ZNF469: variants seen among roughly 807,000 people sequenced by gnomAD.
The protein encoded by ZNF469 is zinc finger protein 469.
In ZNF469, 1 loss-of-function variant was observed where a neutral mutation model predicts 1.0. The observed-to-expected ratio is 1.00, with a 90% CI of 0.35 to 4.73. ZNF469 has a LOEUF of 4.73. ZNF469 is among the 30% of genes most tolerant of loss of function. The pLI, the probability that ZNF469 is intolerant of heterozygous loss-of-function variation, is 0.16. For missense variants in ZNF469, 6,100 were observed against 5,356.3 expected (o/e 1.14, Z -4.33); for synonymous variants, 2,703 against 2,363.4 (o/e 1.14, Z -4.17).
Position 88,435,093 on chromosome 16 carries a change from C to G in ZNF469, c.7623C>G (p.His2541Gln). The change falls in exon 3 of 3, where the codon CAC (histidine) becomes CAG (glutamine). Residue 2541 changes from histidine (H) to glutamine (Q), a missense_variant. By Grantham distance (24) the His-to-Gln change is conservative (BLOSUM62 0). Coordinates refer to ENST00000565624, the MANE Select transcript of ZNF469 (RefSeq NM_001367624.2). ...HRVSGKERPNHSRGDPSHVTQ... is the reference protein window; with the variant it reads ...HRVSGKERPNQSRGDPSHVTQ... ...TGTCTGGGAAGGAGAGACCAAATCA[C>G]TCACGGGGAGACCCCAGCCACGTCA... 1 of 1,550,402 alleles carries G rather than the reference C, an allele frequency of 6.4e-7. No homozygotes were observed. The highest frequency in any genetic ancestry group is 8.7e-7 in the Non-Finnish European group (1 of 1,146,990).
At position 88,430,008 on chromosome 16, in the gene ZNF469, G is replaced by A; in HGVS notation, c.2538G>A (p.Glu846=). Residue 846 remains glutamate (E), a synonymous_variant, in exon 3 of 3, where the codon GAG becomes GAA. Transcript: ENST00000565624. ...CCAAGCTGGACAGCCTCATCACAGA[G>A]GCGCTCAACGGCATGGAGTACCAGT... ...DDAKLDSLIT[E]ALNGMEYQSD... 1.9e-6 allele frequency: 3 copies of A among 1,550,376 alleles called. No homozygotes were observed. Among genetic ancestry groups the A allele is most frequent in the Non-Finnish European group, 1.7e-6 (2 of 1,146,974 alleles).
the ZNF469 span, among the ~76,000 whole-genome samples, chr16:88,355,597 C>T: frequency 3.3e-5 from 5 of 152,328 alleles, no homozygotes; most frequent in Middle Eastern, 3.4e-3. Flanking sequence ...GTGGTCAGAT[C>T]GGCCTGGCTG....
chr16:88,126,424 C>A, the ZNF469 span, among the ~76,000 whole-genome samples: 1 of 151,178 alleles, frequency 6.6e-6, no homozygotes, highest in African/African-American at 2.4e-5. Flanking sequence ...TAGCTCTAGA[C>A]TTTACAGAGA....
At chr16:88,116,736 A>G in the ZNF469 span, among the ~76,000 whole-genome samples, 3 of 152,186 alleles carry the variant, frequency 2.0e-5, no homozygotes, top group East Asian at 1.9e-4. Context: ...AAGCCTGTAC[A>G]TGCCATGACG....
chr16:88,256,938 CTT>C, the ZNF469 span, among the ~76,000 whole-genome samples: 1 of 14,584 alleles, frequency 6.9e-5, no homozygotes, highest in Non-Finnish European at 1.4e-4. Flanking sequence ...TTCTTTCTTT[CTT>C]TCTTTCTTTC....
the ZNF469 span, among the ~76,000 whole-genome samples, chr16:88,339,930 T>C: frequency 7.1e-6 from 1 of 141,000 alleles, no homozygotes; most frequent in African/African-American, 2.9e-5. Flanking sequence ...TGGCACAGTG[T>C]TGGGGACGGG....
chr16:88,213,234 G>T, the ZNF469 span, among the ~76,000 whole-genome samples: 1 of 152,036 alleles, frequency 6.6e-6, no homozygotes, highest in Non-Finnish European at 1.5e-5. Flanking sequence ...GAGTAGCTGG[G>T]ACTACAGGCG....
At chr16:88,213,391 G>A in the ZNF469 span, among the ~76,000 whole-genome samples, 3 of 152,136 alleles carry the variant, frequency 2.0e-5, no homozygotes, top group South Asian at 2.1e-4. Flanking sequence ...GAGCCACCGC[G>A]CCCGGCCTCT....
chr16:88,434,079 C>G lies in ZNF469; in HGVS notation c.6609C>G (p.Pro2203=). The G allele has an allele frequency of 1.9e-6, 3 of 1,550,406 alleles. No individual in the cohort carries two copies. The highest frequency in any genetic ancestry group is 2.6e-6 in the Non-Finnish European group (3 of 1,146,948). The stretch of plus-strand genomic sequence containing the variant: ...CTCCCCCGTCTTTGACAACAAGCCC[C>G]TGCGATCCCAAGGAAGCCCTGGCTG... ...PVAPPSLTTS[P]CDPKEALAGC... is the part of the protein sequence containing the mutation. The change falls in exon 3 of 3, where the codon CCC becomes CCG. Residue 2203 remains proline (P), a synonymous_variant. Coordinates refer to ENST00000565624, the MANE Select transcript of ZNF469 (RefSeq NM_001367624.2).
At chr16:88,381,086 G>C (rs1280494829), upstream of ZNF469, among the ~76,000 whole-genome samples, 1 of 66,712 alleles carries the variant, frequency 1.5e-5, no homozygotes, top group Non-Finnish European at 2.9e-5. Flanking sequence ...ACTCACACAC[G>C]CACTCACACA....
At chr16:88,291,063 C>T in the ZNF469 span, among the ~76,000 whole-genome samples, 5 of 152,254 alleles carry the variant, frequency 3.3e-5, no homozygotes, top group East Asian at 1.9e-4. Context: ...GGTGTGTGTC[C>T]GTCCGGCACC....
chr16:88,390,115 C>T (rs1158148313), intron 1 of ZNF469, among the ~76,000 whole-genome samples: 1 of 152,230 alleles, frequency 6.6e-6, no homozygotes, highest in Admixed American at 6.5e-5. Flanking sequence ...CCACTAGACA[C>T]TGGCTCCGAA....
At chr16:88,394,885 C>T (rs1191244933) in intron 1 of ZNF469, among the ~76,000 whole-genome samples, 1 of 152,174 alleles carries the variant, frequency 6.6e-6, no homozygotes, top group Non-Finnish European at 1.5e-5. Context: ...TGGGCAGGCA[C>T]CCAATCCTCT....
At chr16:88,381,406 A>T (rs1276678213), upstream of ZNF469, among the ~76,000 whole-genome samples, 1 of 151,340 alleles carries the variant, frequency 6.6e-6, no homozygotes, top group Non-Finnish European at 1.5e-5. Context: ...ACGCACTCAC[A>T]CACAGACATG....
At chr16:88,131,978 C>T in the ZNF469 span, among the ~76,000 whole-genome samples, 10 of 152,254 alleles carry the variant, frequency 6.6e-5, no homozygotes, top group Non-Finnish European at 2.9e-5. Flanking sequence ...TCCGGGGCTG[C>T]TGAAGACAGG....
At chr16:88,260,109 C>A in the ZNF469 span, among the ~76,000 whole-genome samples, 2 of 150,820 alleles carry the variant, frequency 1.3e-5, no homozygotes, top group Admixed American at 6.6e-5. This position sits in a 1 kb window ranked among gnomAD's most constrained non-coding sequence, Gnocchi z 4.1. Flanking sequence ...TCCTGAGTGG[C>A]TGGGATTACA....
chr16:88,434,735 C>A lies in ZNF469; in HGVS notation c.7265C>A (p.Ser2422Tyr), dbSNP rs201540905. Residue 2422 changes from serine (S) to tyrosine (Y), a missense_variant, in exon 3 of 3, where the codon TCC (serine) becomes TAC (tyrosine). Physicochemically the swap from Ser to Tyr is moderately radical, Grantham distance 144. Coordinates refer to ENST00000565624, the MANE Select transcript of ZNF469 (RefSeq NM_001367624.2). ...SSTASDFQSD[S>Y]PQSHRNASHQ... Reference sequence around the variant, plus strand: ...ACAGCCAGTGACTTCCAGTCTGACTCCCCCCAAAGCCACAGAAATGCCTCC... The same window carrying A: ...ACAGCCAGTGACTTCCAGTCTGACTACCCCCAAAGCCACAGAAATGCCTCC... 834 of 1,550,380 alleles carry A rather than the reference C, an allele frequency of 5.4e-4. 1 individual carries two copies. Among genetic ancestry groups the A allele is most frequent in the Non-Finnish European group, 6.8e-4 (783 of 1,146,972 alleles).
Position 88,437,083 on chromosome 16 carries a change from G to A in ZNF469, c.9613G>A (p.Gly3205Arg), listed in dbSNP as rs1187241888. The A allele has an allele frequency of 8.4e-6, 13 of 1,543,984 alleles. 1 individual carries two copies. Among genetic ancestry groups the A allele is most frequent in the Non-Finnish European group, 1.1e-5 (13 of 1,145,358 alleles). The change falls in exon 3 of 3, where the codon GGG becomes AGG. Residue 3205 changes from glycine (G) to arginine (R), a missense_variant. Physicochemically the swap from Gly to Arg is moderately radical, Grantham distance 125. Transcript: ENST00000565624. The part of the protein sequence containing the change: ...REHAVRFARR[G>R]QARRSLGDLP... ...GCACGCGGTCCGCTTCGCCCGCAGG[G>A]GGCAGGCGCGGAGGTCCTTGGGGGA...
At chr16:88,143,888 C>T in the ZNF469 span, among the ~76,000 whole-genome samples, 18 of 152,298 alleles carry the variant, frequency 1.2e-4, no homozygotes, top group African/African-American at 3.9e-4. Flanking sequence ...ACCAAGGACC[C>T]GCCGCTATTT....
Sources: gnomAD v4.1 joint callset for allele counts (sites outside exome capture counted in the v4.1 genomes callset) on GRCh38, gnomAD v4.1.1 for gene constraint, Gnocchi (gnomAD v3.1) non-coding constraint, MANE v1.5 for transcripts, NCBI Gene and HGNC (gene_info 2026-07-23, HGNC 2026-07-21) for gene names.